The following PCCA variants were observed in gnomAD, a reference collection of about 807,000 sequenced individuals.
The protein encoded by PCCA is propionyl-CoA carboxylase subunit alpha.
A neutral mutation model predicts 101.3 loss-of-function variants in PCCA; 74 were observed. That is an observed-to-expected ratio of 0.73 (90% confidence interval 0.61 to 0.89). The LOEUF is 0.89. Ranked by LOEUF, PCCA falls within the 40% of genes least tolerant of loss-of-function variation. The pLI, the probability that PCCA is intolerant of heterozygous loss-of-function variation, is 0.00. For missense variants in PCCA, 891 were observed against 907.0 expected (o/e 0.98, Z 0.23); for synonymous variants, 294 against 313.6 (o/e 0.94, Z 0.66).
intron 7 of PCCA, among the ~76,000 whole-genome samples, chr13:100,213,077 T>C (rs1229068853): frequency 1.3e-5 from 2 of 152,200 alleles, no homozygotes; most frequent in Admixed American, 1.3e-4. Context: ...CTCATTCTTT[T>C]TGGTGGCTGA....
In PCCA at chr13:100,237,917, CACTT is replaced by C. The variant is rs2060894864; in HGVS notation, c.637+2040_637+2043del. Among the ~76,000 whole-genome samples, 5 of 147,930 alleles carry C rather than the reference CACTT, an allele frequency of 3.4e-5. No individual in the cohort carries two copies. In the South Asian group the frequency reaches 1.1e-3, roughly 32 times the overall value. ...TTTGCTTCCTTTATGCCTTTTCTTCCACTTTCTTTCTTTCTTTCTTTCTTTTTTT... is the reference window on the plus strand; with the variant it reads ...TTTGCTTCCTTTATGCCTTTTCTTCCTCTTTCTTTCTTTCTTTCTTTTTTT... On this transcript the variant is annotated intron_variant, in intron 8 of 23. Coordinates refer to ENST00000376285, the MANE Select transcript of PCCA (RefSeq NM_000282.4).
chr13:100,426,303 A>G (rs1054449318), intron 20 of PCCA, among the ~76,000 whole-genome samples: 1 of 152,190 alleles, frequency 6.6e-6, no homozygotes, highest in Non-Finnish European at 1.5e-5. Context: ...AAGTTATGAA[A>G]AGAGATTCTG....
At chr13:100,492,913 G>A (rs866849526) in intron 21 of PCCA, among the ~76,000 whole-genome samples, 2 of 151,764 alleles carry the variant, frequency 1.3e-5, no homozygotes, top group Admixed American at 6.6e-5. Context: ...CTCACCGAGA[G>A]CCATCTCCAT....
chr13:100,402,746 G>T (rs1054426775), intron 19 of PCCA, among the ~76,000 whole-genome samples: 2 of 152,144 alleles, frequency 1.3e-5, no homozygotes, highest in Non-Finnish European at 2.9e-5. Flanking sequence ...GTAGGGGCAG[G>T]GGGGATGAGG....
intron 23 of PCCA, among the ~76,000 whole-genome samples, chr13:100,529,750 G>C (rs573829648): frequency 6.6e-5 from 10 of 152,306 alleles, no homozygotes; most frequent in Non-Finnish European, 1.2e-4. Context: ...AGGGAGGCTA[G>C]GGGTTAGAAC....
At chr13:100,506,934 C>T (rs2086127606) in intron 21 of PCCA, among the ~76,000 whole-genome samples, 1 of 152,046 alleles carries the variant, frequency 6.6e-6, no homozygotes, top group Non-Finnish European at 1.5e-5. Context: ...TCATTGTACC[C>T]CAAATTATAC....
intron 4 of PCCA, among the ~76,000 whole-genome samples, chr13:100,121,163 TTTTTTTTTTTTTTTA>T (rs1566515441): frequency 1.9e-5 from 2 of 107,462 alleles, no homozygotes; most frequent in East Asian, 7.4e-4. Context: ...GTTTTTTTTT[TTTTTTTTTTTTTTTA>T]AAGATGGAGT....
intron 6 of PCCA, among the ~76,000 whole-genome samples, chr13:100,194,299 G>A (rs901935356): frequency 2.0e-5 from 3 of 152,160 alleles, no homozygotes; most frequent in Non-Finnish European, 4.4e-5. Context: ...TAAGCAAGAC[G>A]TGGGAGGATT....
chr13:100,159,086 T>C (rs2054173693), intron 6 of PCCA, among the ~76,000 whole-genome samples: 1 of 4,058 alleles, frequency 2.5e-4, no homozygotes, highest in East Asian at 6.5e-3. Context: ...AATGCTGCCT[T>C]TTTTTTTTTT....
chr13:100,328,552 T>A (rs534905218), intron 16 of PCCA, among the ~76,000 whole-genome samples: 38 of 151,522 alleles, frequency 2.5e-4, no homozygotes, highest in Non-Finnish European at 4.7e-4. Flanking sequence ...ATGGTTTCTA[T>A]GTACTAAGAA....
At chr13:100,114,422 G>T (rs1373323766) in intron 4 of PCCA, among the ~76,000 whole-genome samples, 2 of 152,070 alleles carry the variant, frequency 1.3e-5, no homozygotes, top group East Asian at 1.9e-4. Context: ...GGCTAAGATG[G>T]TGAAACCCTG....
chr13:100,486,341 TG>T (rs1596128782), intron 21 of PCCA, among the ~76,000 whole-genome samples: 1 of 152,230 alleles, frequency 6.6e-6, no homozygotes, highest in Non-Finnish European at 1.5e-5. Flanking sequence ...AAGTCCACCA[TG>T]GGAACTAACT....
intron 22 of PCCA, among the ~76,000 whole-genome samples, chr13:100,516,736 C>CGTGTGTGTGTGTGT (rs3840000): frequency 1.2e-4 from 17 of 144,972 alleles, no homozygotes; most frequent in African/African-American, 3.1e-4. Context: ...AGAAAAATTA[C>CGTGTGTGTGTGTGT]GTGTGTGTGT....
At chr13:100,419,729 C>A (rs1013162116) in intron 19 of PCCA, among the ~76,000 whole-genome samples, 4 of 152,164 alleles carry the variant, frequency 2.6e-5, no homozygotes, top group African/African-American at 9.7e-5. Flanking sequence ...AAAGGATTAA[C>A]TAAGAAGCAG....
rs1215209578 is a variant in PCCA, at chr13:100,346,012, C to T, written c.1643+5753C>T. Among the ~76,000 whole-genome samples, 5 of 151,928 alleles carry T rather than the reference C, an allele frequency of 3.3e-5. No individual in the cohort carries two copies. In the East Asian group the frequency reaches 7.7e-4, roughly 23 times the overall value. On this transcript the variant is annotated intron_variant, in intron 18 of 23. Coordinates refer to ENST00000376285, the MANE Select transcript of PCCA (RefSeq NM_000282.4). The stretch of plus-strand genomic sequence containing the variant: ...AAAAAATTTTTTTTTCAAATGATTG[C>T]TGCTCATTGACAGTGCACCTGGTCA...
At chr13:100,465,427 AGG>A (rs1240690851) in intron 21 of PCCA, among the ~76,000 whole-genome samples, 1 of 152,210 alleles carries the variant, frequency 6.6e-6, no homozygotes, top group Non-Finnish European at 1.5e-5. Context: ...TTTTAAAATC[AGG>A]GAGTGACATG....
chr13:100,176,884 G>A (rs1435540228), intron 6 of PCCA, among the ~76,000 whole-genome samples: 1 of 152,106 alleles, frequency 6.6e-6, no homozygotes, highest in Non-Finnish European at 1.5e-5. Context: ...AGTGTTTGTA[G>A]CCTTTGTAAA....
At chr13:100,147,873 G>GT (rs1462312736) in intron 4 of PCCA, among the ~76,000 whole-genome samples, 26 of 151,884 alleles carry the variant, frequency 1.7e-4, no homozygotes, top group South Asian at 6.2e-4. Flanking sequence ...GATCTATATA[G>GT]TTTTTTTTGT....
intron 6 of PCCA, among the ~76,000 whole-genome samples, chr13:100,187,896 GC>G: frequency 6.8e-6 from 1 of 146,086 alleles, no homozygotes; most frequent in East Asian, 2.0e-4. Flanking sequence ...TTTATCCCCC[GC>G]CCCCTTCCCA....
Sources: gnomAD v4.1 joint callset for allele counts (sites outside exome capture counted in the v4.1 genomes callset) on GRCh38, gnomAD v4.1.1 for gene constraint, MANE v1.5 for transcripts, NCBI Gene and HGNC (gene_info 2026-07-23, HGNC 2026-07-21) for gene names.